Variants in GRK3 observed in about 807,000 individuals in gnomAD.
GRK3 encodes G protein-coupled receptor kinase 3, also known as adrenergic, beta, receptor kinase 2.
GRK3 carries 54 observed loss-of-function variants against 95.7 expected under a neutral mutation model. That is an observed-to-expected ratio of 0.56 (90% CI 0.45 to 0.71). The LOEUF is 0.71. Among genes scored for constraint, GRK3 ranks in the 30% least tolerant of loss-of-function variants. The probability of loss-of-function intolerance (pLI) is 0.00; values close to 1 mark genes in which losing one functional copy is unlikely to be tolerated. For missense variants in GRK3, 649 were observed against 851.2 expected (o/e 0.76, Z 2.96); for synonymous variants, 281 against 290.8 (o/e 0.97, Z 0.34).
rs1380153300 is a variant in GRK3, at chr22:25,703,590, A to C, written c.1227+14A>C. The C allele has an allele frequency of 2.5e-6, 4 of 1,589,960 alleles. No homozygotes were observed. The highest frequency in any genetic ancestry group is 2.2e-5 in the East Asian group (1 of 44,750). On this transcript the variant is annotated intron_variant, in intron 14 of 20. Transcript: ENST00000324198. ...ACACTCACCGTGGTAAGGGGATTCA[A>C]AACTGTATTCTTGTCTGTATGGTAA... is the stretch of plus-strand genomic sequence containing the variant.
At chr22:25,717,717 T>C (rs16980608) in intron 18 of GRK3, among the ~76,000 whole-genome samples, 462 of 152,340 alleles carry the variant, frequency 3.0e-3, no homozygotes, top group Non-Finnish European at 5.1e-3. Flanking sequence ...GAATTATCTC[T>C]ATACATAACC....
Position 25,678,019 on chromosome 22 carries a change from C to T in GRK3, c.648-797C>T, listed in dbSNP as rs115524680. On this transcript the variant is annotated intron_variant, in intron 8 of 20. Transcript: ENST00000324198. The stretch of plus-strand genomic sequence containing the variant: ...TATTGATTCTTTGTATTATTTAAAA[C>T]GTCATAACTTAAATATCAAAATTAA... 5.1e-3 allele frequency among the ~76,000 whole-genome samples: 779 copies of T among 152,250 alleles called. 5 individuals are homozygous for T. Among genetic ancestry groups the T allele is most frequent in the African/African-American group, 0.018 (733 of 41,548 alleles).
intron 1 of GRK3, among the ~76,000 whole-genome samples, chr22:25,569,843 A>AGTTCT (rs112615297): frequency 0.027 from 4,103 of 152,290 alleles, 61 homozygotes; most frequent in Middle Eastern, 0.058. Flanking sequence ...TCCCCACAGT[A>AGTTCT]GTTCTACCAG....
At chr22:25,712,347 G>A (rs1218902617) in intron 17 of GRK3, among the ~76,000 whole-genome samples, 1 of 152,218 alleles carries the variant, frequency 6.6e-6, no homozygotes, top group Non-Finnish European at 1.5e-5. Context: ...ACCAGGCATC[G>A]TCTGTAGCCG....
At chr22:25,592,302 A>G (rs575028548) in intron 1 of GRK3, among the ~76,000 whole-genome samples, 5 of 152,312 alleles carry the variant, frequency 3.3e-5, no homozygotes, top group Non-Finnish European at 7.4e-5. Flanking sequence ...GTCTATTCAA[A>G]TCATTTGCCC....
chr22:25,682,200 G>C (rs1253627008), intron 9 of GRK3, among the ~76,000 whole-genome samples: 1 of 152,196 alleles, frequency 6.6e-6, no homozygotes, highest in Admixed American at 6.5e-5. Context: ...GCTCCATTCT[G>C]ACTTGTGCAG....
chr22:25,610,540 G>T (rs896366791), intron 2 of GRK3, among the ~76,000 whole-genome samples: 5 of 152,102 alleles, frequency 3.3e-5, no homozygotes, highest in African/African-American at 1.2e-4. Context: ...GATGATTTTG[G>T]TAAATTTCTA....
chr22:25,600,782 A>G (rs1464441995), intron 1 of GRK3, among the ~76,000 whole-genome samples: 1 of 152,216 alleles, frequency 6.6e-6, no homozygotes, highest in Non-Finnish European at 1.5e-5. Context: ...AACTTATTTT[A>G]AATGTGAAGA....
intron 6 of GRK3, among the ~76,000 whole-genome samples, chr22:25,670,698 T>C (rs752658417): frequency 1.3e-5 from 2 of 152,076 alleles, no homozygotes; most frequent in Non-Finnish European, 2.9e-5. Flanking sequence ...GATCGAACCA[T>C]CACCAGAATG....
At chr22:25,587,045 C>T (rs1932337501) in intron 1 of GRK3, among the ~76,000 whole-genome samples, 2 of 152,104 alleles carry the variant, frequency 1.3e-5, no homozygotes, top group Admixed American at 6.5e-5. Flanking sequence ...CCACCACGCC[C>T]AGCTACAGCT....
intron 2 of GRK3, among the ~76,000 whole-genome samples, chr22:25,639,061 A>G (rs1179307452): frequency 1.3e-5 from 2 of 152,178 alleles, no homozygotes; most frequent in Admixed American, 1.3e-4. Flanking sequence ...TTCTTTTAAC[A>G]TGGATTTGTA....
At chr22:25,606,544 A>G (rs2084449797) in intron 2 of GRK3, among the ~76,000 whole-genome samples, 2 of 152,136 alleles carry the variant, frequency 1.3e-5, no homozygotes, top group South Asian at 4.1e-4. Flanking sequence ...TGCGCCTTCC[A>G]TCACTGACTC....
At chr22:25,583,212 G>T (rs1180084636) in intron 1 of GRK3, among the ~76,000 whole-genome samples, 2 of 152,166 alleles carry the variant, frequency 1.3e-5, no homozygotes, top group African/African-American at 4.8e-5. Flanking sequence ...GTTAGTCATT[G>T]GGAAGGAAGA....
chr22:25,624,592 T>G (rs2084613284), intron 2 of GRK3, among the ~76,000 whole-genome samples: 1 of 152,170 alleles, frequency 6.6e-6, no homozygotes, highest in Middle Eastern at 3.4e-3. Flanking sequence ...CAAAAAACCC[T>G]GATTTCTGAC....
At chr22:25,600,233 G>A (rs1171316092) in intron 1 of GRK3, among the ~76,000 whole-genome samples, 1 of 149,240 alleles carries the variant, frequency 6.7e-6, no homozygotes, top group Non-Finnish European at 1.5e-5. Context: ...TGCAACGTCC[G>A]CCTCCCAGGT....
In GRK3 at chr22:25,711,071, C is replaced by T. The variant is rs1388478965; in HGVS notation, c.1399C>T (p.Pro467Ser). The T allele has an allele frequency of 1.2e-6, 2 of 1,609,688 alleles. No individual in the cohort carries two copies. The highest frequency in any genetic ancestry group is 1.3e-5 in the African/African-American group (1 of 74,748). Residue 467 changes from proline (P) to serine (S), a missense_variant, in exon 17 of 21, where the codon CCA (proline) becomes TCA (serine). Around this residue, in one of 3 missense-constraint regions of GRK3, gnomAD observed 382 missense variants for 493.8 expected, o/e 0.77. Coordinates refer to ENST00000324198, the MANE Select transcript of GRK3 (RefSeq NM_005160.4). ...DWQHVYLQKY[P>S]PPLIPPRGEV... is the part of the protein sequence containing the mutation. Reference sequence around the variant, plus strand: ...CATGCTTGTTTGGATCTTCCAGTACCCACCACCCTTGATTCCTCCCCGGGG... The same window carrying T: ...CATGCTTGTTTGGATCTTCCAGTACTCACCACCCTTGATTCCTCCCCGGGG...
chr22:25,582,375 A>T (rs1322777386), intron 1 of GRK3, among the ~76,000 whole-genome samples: 7 of 152,182 alleles, frequency 4.6e-5, no homozygotes, highest in Admixed American at 4.6e-4. Flanking sequence ...TAAGAGAAAA[A>T]TTTTAAAAAA....
intron 2 of GRK3, among the ~76,000 whole-genome samples, chr22:25,631,268 C>T (rs190381031): frequency 7.6e-4 from 115 of 152,304 alleles, no homozygotes; most frequent in African/African-American, 2.6e-3. Flanking sequence ...GTATCCTGGA[C>T]GTGTCAGAGT....
chr22:25,603,615 T>G (rs995563858), intron 1 of GRK3, among the ~76,000 whole-genome samples: 2 of 152,332 alleles, frequency 1.3e-5, no homozygotes, highest in African/African-American at 4.8e-5. Flanking sequence ...ATTTTAGAAA[T>G]AGCTTATTTA....
Sources: gnomAD v4.1 joint callset for allele counts (sites outside exome capture counted in the v4.1 genomes callset) on GRCh38, gnomAD v4.1.1 for gene constraint, gnomAD v4.1.1 regional missense constraint, MANE v1.5 for transcripts, NCBI Gene and HGNC (gene_info 2026-07-23, HGNC 2026-07-21) for gene names.